TRPV3: variants seen among roughly 807,000 people sequenced by gnomAD.
TRPV3 encodes transient receptor potential cation channel subfamily V member 3.
In TRPV3, 88 loss-of-function variants were observed where a neutral mutation model predicts 87.1. The ratio of observed to expected loss-of-function variants is 1.01; its 90% CI spans 0.85 to 1.21. The LOEUF (loss-of-function observed/expected upper bound fraction) is 1.21. Ranked by LOEUF, TRPV3 falls within the 50% of genes most tolerant of loss-of-function variation. TRPV3 has a pLI of 0.00. For synonymous variants in TRPV3, 438 were observed against 423.3 expected (o/e 1.03, Z -0.43); for missense variants, 1,054 against 1,030.1 (o/e 1.02, Z -0.32).
intron 8 of TRPV3, among the ~76,000 whole-genome samples, chr17:3,532,264 G>A (rs1205840771): frequency 6.6e-6 from 1 of 152,232 alleles, no homozygotes; most frequent in African/African-American, 2.4e-5. Flanking sequence ...TTGGGAAATG[G>A]CAGCATATTA....
At chr17:3,542,765 G>T in intron 5 of TRPV3, 67 bp from the exon 6 acceptor site, 1 of 1,539,148 alleles carries the variant, frequency 6.5e-7, no homozygotes, top group South Asian at 1.2e-5. Flanking sequence ...CCAGCCCAGA[G>T]GGTGTGGTTG....
rs141405698 is a variant in TRPV3 at position 3,532,849 on chromosome 17, C to T, written c.873G>A (p.Ser291=). ...LMEHEQTDIT[S]RDSRGNNILH... ...GGATGTTGTTGCCTCGTGAGTCCCG[C>T]GAGGTGATGTCCGTCTGCTCGTGCT... Residue 291 remains serine (S), a synonymous_variant, in exon 8 of 18, where the codon TCG becomes TCA. Coordinates refer to ENST00000576742, the MANE Select transcript of TRPV3 (RefSeq NM_145068.4). 13 of 1,614,108 alleles carry T rather than the reference C, an allele frequency of 8.1e-6. No individual in the cohort carries two copies. In the African/African-American group the frequency reaches 1.1e-4, roughly 13 times the overall value.
chr17:3,511,966 T>C lies in TRPV3; in HGVS notation c.*1951A>G, dbSNP rs1237238418. The C allele has an allele frequency of 6.6e-6, 1 of 152,214 alleles. No individual in the cohort carries two copies. Among genetic ancestry groups the C allele is most frequent in the East Asian group, 1.9e-4 (1 of 5,202 alleles). The allele number at this position is 152,214 out of a possible 1,614,324, so 9.4% of individuals were successfully genotyped here. ...GACCAAGATGTCTGTTCAGGCTTAATGCGGGTAGCTAACTCCAGATGTGGA... is the reference window on the plus strand; with the variant it reads ...GACCAAGATGTCTGTTCAGGCTTAACGCGGGTAGCTAACTCCAGATGTGGA... On this transcript the variant is annotated 3_prime_UTR_variant, in exon 18 of 18. Coordinates refer to ENST00000576742, the MANE Select transcript of TRPV3 (RefSeq NM_145068.4).
rs544079795 is a variant in TRPV3, at chr17:3,542,813, C to T, written c.467-115G>A. The T allele has an allele frequency of 7.1e-5, 77 of 1,087,588 alleles. No individual in the cohort carries two copies. The African/African-American group carries it at 9.2e-4, about 13-fold the overall frequency. 67.4% of individuals were successfully genotyped at this position (1,087,588 alleles called of 1,614,324 possible). On this transcript the variant is annotated intron_variant, in intron 5 of 17. Transcript: ENST00000576742. ...ACCCCAAGCCCCTGCTCCACATCTCCACTCCCAGACCTTACACTTGGCCGC... is the reference window on the plus strand; with the variant it reads ...ACCCCAAGCCCCTGCTCCACATCTCTACTCCCAGACCTTACACTTGGCCGC...
Position 3,557,386 on chromosome 17 carries a change from A to T in TRPV3, c.-3+290T>A, listed in dbSNP as rs1414193951. Among the ~76,000 whole-genome samples, 1 of 152,162 alleles carries T rather than the reference A, an allele frequency of 6.6e-6. No individual in the cohort carries two copies. Among genetic ancestry groups the T allele is most frequent in the African/African-American group, 2.4e-5 (1 of 41,440 alleles). On this transcript the variant is annotated intron_variant, in intron 1 of 17. Transcript: ENST00000576742. This position sits in a 1 kb window ranked among gnomAD's most constrained non-coding sequence, Gnocchi z 4.5. ...AGGCAGGAGCCTCTCCTCTGCCCCC[A>T]GCAGTGGTGAGATTGAGATGTCCCT...
intron 17 of TRPV3, 95 bp from the exon 18 acceptor site, chr17:3,514,106 T>G: frequency 1.1e-5 from 12 of 1,050,682 alleles, no homozygotes; most frequent in East Asian, 2.7e-5. Context: ...GAGATGGAGT[T>G]TCCCTCTTGT....
rs548865367 is a variant in TRPV3, at chr17:3,540,317, G to T, written c.643+2205C>A. Reference sequence around the variant, plus strand: ...AATGCTAAGAGGAAGGAAGGCACCAGCGGATGGGTCAGAACGGTGGTGGGG... The same window carrying T: ...AATGCTAAGAGGAAGGAAGGCACCATCGGATGGGTCAGAACGGTGGTGGGG... On this transcript the variant is annotated intron_variant, in intron 6 of 17. Coordinates refer to ENST00000576742, the MANE Select transcript of TRPV3 (RefSeq NM_145068.4). 1.2e-4 allele frequency among the ~76,000 whole-genome samples: 18 copies of T among 152,192 alleles called. No individual in the cohort carries two copies. In the East Asian group the frequency reaches 3.3e-3, roughly 28 times the overall value.
chr17:3,510,561 C>T lies in TRPV3; in HGVS notation c.*3356G>A, dbSNP rs916628787. 2 of 152,192 alleles carry T rather than the reference C, an allele frequency of 1.3e-5. No individual in the cohort carries two copies. Among genetic ancestry groups the T allele is most frequent in the Non-Finnish European group, 2.9e-5 (2 of 68,036 alleles). The allele number at this position is 152,192 out of a possible 1,614,324, so 9.4% of individuals were successfully genotyped here. On this transcript the variant is annotated 3_prime_UTR_variant, in exon 18 of 18. Transcript: ENST00000576742. The stretch of plus-strand genomic sequence containing the variant: ...AAAACCATTTCTTCAATGGCACAAA[C>T]ATGTTCTTACTCTTTGTATGATTTC...
In TRPV3 at chr17:3,556,430, G is replaced by A. The variant is rs906759910; in HGVS notation, c.-3+1246C>T. Among the ~76,000 whole-genome samples the A allele has an allele frequency of 2.6e-5, 4 of 151,958 alleles. No individual in the cohort carries two copies. Among genetic ancestry groups the A allele is most frequent in the African/African-American group, 7.3e-5 (3 of 41,350 alleles). ...GGCGGGGAAAGGGCTGTGTGGACAG[G>A]TGGTGACTGTGTGGTCAGGGGGTGC... On this transcript the variant is annotated intron_variant, in intron 1 of 17. Coordinates refer to ENST00000576742, the MANE Select transcript of TRPV3 (RefSeq NM_145068.4). This position sits in a 1 kb window ranked among gnomAD's most constrained non-coding sequence, Gnocchi z 4.2.
intron 15 of TRPV3, among the ~76,000 whole-genome samples, chr17:3,517,783 A>G (rs538139278): frequency 6.7e-6 from 1 of 150,082 alleles, no homozygotes; most frequent in South Asian, 2.1e-4. Flanking sequence ...ATCCAAAGGC[A>G]CGCTCACCTT....
intron 6 of TRPV3, 97 bp downstream of exon 6, chr17:3,542,425 G>T: frequency 1.4e-6 from 2 of 1,386,492 alleles, no homozygotes; most frequent in Non-Finnish European, 2.0e-6. Flanking sequence ...CTCAATGGCA[G>T]CAGTGCCTCC....
intron 16 of TRPV3, 103 bp downstream of exon 16, chr17:3,516,354 G>A: frequency 1.1e-6 from 1 of 902,252 alleles, no homozygotes; most frequent in East Asian, 2.4e-5. Flanking sequence ...CTGTGGTTAT[G>A]GTTAGCAAGT....
rs750381681 is a variant in TRPV3 at position 3,518,888 on chromosome 17, G to A, written c.1811-38C>T. On this transcript the variant is annotated intron_variant, in intron 14 of 17. Coordinates refer to ENST00000576742, the MANE Select transcript of TRPV3 (RefSeq NM_145068.4). The surrounding 1 kb of genome is among the most constrained non-coding windows in gnomAD (Gnocchi z 4.3). ...AACAGGGTGCTCTCCTCAGCTCTCT[G>A]CCTGGTAATTACTCTACAAGCTTGC... The A allele has an allele frequency of 6.3e-6, 10 of 1,588,228 alleles. No homozygotes were observed. The highest frequency in any genetic ancestry group is 1.2e-5 in the South Asian group (1 of 86,128).
chr17:3,542,402 A>G, intron 6 of TRPV3, 120 bp downstream of exon 6: 1 of 1,143,058 alleles, frequency 8.7e-7, no homozygotes, highest in African/African-American at 1.6e-5. Context: ...ACCATGCTAC[A>G]TGCTTGGGGC....
rs1282510471 is a variant in TRPV3, at chr17:3,516,520, C to T, written c.2135G>A (p.Arg712Lys). The T allele has an allele frequency of 1.9e-6, 3 of 1,614,074 alleles. No homozygotes were observed. The highest frequency in any genetic ancestry group is 2.2e-5 in the East Asian group (1 of 44,898). The change falls in exon 16 of 18, where the codon AGG becomes AAG. Residue 712 changes from arginine to lysine, a missense_variant. Arg to Lys is a conservative substitution (Grantham distance 26). Transcript: ENST00000576742. ...CAGCTCTCCCATCCGGAATCTGCTC[C>T]TCAGCCATTCTGGTAACATTTTCTC... ...EFEKMLPEWLRSRFRMGELCK... is the reference protein window; with the variant it reads ...EFEKMLPEWLKSRFRMGELCK...
chr17:3,537,275 A>G (rs2074416448), intron 6 of TRPV3, among the ~76,000 whole-genome samples: 1 of 152,212 alleles, frequency 6.6e-6, no homozygotes, highest in South Asian at 2.1e-4. Context: ...CATATTTGGC[A>G]TAAGAAATGC....
chr17:3,531,811 A>G (rs1251065671), intron 8 of TRPV3, among the ~76,000 whole-genome samples: 1 of 152,176 alleles, frequency 6.6e-6, no homozygotes, highest in Non-Finnish European at 1.5e-5. Context: ...CTCCTCCCCC[A>G]CGGGAGAATC....
At chr17:3,525,611 AC>A (rs2074292474) in intron 12 of TRPV3, among the ~76,000 whole-genome samples, 1 of 149,404 alleles carries the variant, frequency 6.7e-6, no homozygotes, top group African/African-American at 2.5e-5. Flanking sequence ...TGTGTATTTT[AC>A]CACAATTAAT....
intron 12 of TRPV3, among the ~76,000 whole-genome samples, chr17:3,525,020 G>T (rs1183826587): frequency 2.6e-5 from 4 of 151,284 alleles, no homozygotes; most frequent in South Asian, 2.1e-4. Flanking sequence ...GGTGTTTTTT[G>T]GGGGGGTCAG....
Sources: allele counts gnomAD v4.1 joint callset (sites outside exome capture counted in the v4.1 genomes callset), GRCh38; gene constraint gnomAD v4.1.1; non-coding constraint Gnocchi (gnomAD v3.1); transcripts MANE v1.5; gene names NCBI Gene and HGNC (gene_info 2026-07-23, HGNC 2026-07-21).